Variants in ATP2C2 observed in about 807,000 individuals in gnomAD.
ATP2C2 encodes calcium-transporting ATPase type 2C member 2.
Under a neutral mutation model 110.8 loss-of-function variants are expected in ATP2C2, and 171 were observed. That is an observed-to-expected ratio of 1.54 (90% confidence interval 1.36 to 1.75). ATP2C2 has a LOEUF of 1.75. Ranked by LOEUF, ATP2C2 falls within the 40% of genes most tolerant of loss-of-function variation. The pLI is 0.00. For missense variants in ATP2C2, 1,963 were observed against 1,235.0 expected (o/e 1.59, Z -8.84); for synonymous variants, 804 against 508.4 (o/e 1.58, Z -7.82).
intron 7 of ATP2C2, among the ~76,000 whole-genome samples, chr16:84,417,030 G>A (rs772120230): frequency 6.6e-6 from 1 of 152,214 alleles, no homozygotes; most frequent in Non-Finnish European, 1.5e-5. Context: ...GGTGGCCAAT[G>A]ACCTGGGGTT....
intron 24 of ATP2C2, 177 bp from the exon 25 acceptor site, chr16:84,461,537 G>A (rs1439280382): frequency 1.5e-6 from 1 of 674,984 alleles, no homozygotes; most frequent in Non-Finnish European, 2.7e-6. Flanking sequence ...GTGCTGGGGA[G>A]ACCCTGGGGT....
intron 2 of ATP2C2, among the ~76,000 whole-genome samples, chr16:84,401,565 G>C (rs1905323560): frequency 6.6e-6 from 1 of 152,034 alleles, no homozygotes; most frequent in African/African-American, 2.4e-5. Flanking sequence ...TTGTTTTCCT[G>C]GTACCATTTA....
chr16:84,382,087 C>A (rs1008509184), intron 1 of ATP2C2, among the ~76,000 whole-genome samples: 26 of 152,312 alleles, frequency 1.7e-4, no homozygotes, highest in Admixed American at 3.9e-4. Flanking sequence ...CTGCACCCAT[C>A]AACCCATCAT....
At chr16:84,422,781 C>G (rs1211463765) in intron 9 of ATP2C2, 84 bp downstream of exon 9, 17 of 1,362,038 alleles carry the variant, frequency 1.2e-5, no homozygotes, top group South Asian at 8.3e-5. Context: ...CTTGCCTACT[C>G]CTTAGGAATG....
In ATP2C2 at chr16:84,422,524, G is replaced by A; in HGVS notation, c.759G>A (p.Gln253=). ...SNIVFMGTLV[Q]YGRGQGVVIG... ...TCGTCTTCATGGGGACCCTGGTGCAGTATGGGAGGGGCCAGGTAAGCCCTG... is the reference window on the plus strand; with the variant it reads ...TCGTCTTCATGGGGACCCTGGTGCAATATGGGAGGGGCCAGGTAAGCCCTG... The change falls in exon 8 of 27, where the codon CAG becomes CAA. Residue 253 remains glutamine (Q), a synonymous_variant. Coordinates refer to ENST00000262429, the MANE Select transcript of ATP2C2 (RefSeq NM_014861.4). The A allele has an allele frequency of 3.1e-6, 5 of 1,614,070 alleles. No homozygotes were observed. The South Asian group carries it at 5.5e-5, about 18-fold the overall frequency.
chr16:84,392,020 C>G (rs1904694744), intron 1 of ATP2C2, among the ~76,000 whole-genome samples: 1 of 151,192 alleles, frequency 6.6e-6, no homozygotes, highest in South Asian at 2.1e-4. Flanking sequence ...TAGGTCAAAT[C>G]ATATAACACC....
intron 17 of ATP2C2, among the ~76,000 whole-genome samples, chr16:84,451,711 G>T (rs1304810382): frequency 6.6e-6 from 1 of 152,152 alleles, no homozygotes; most frequent in East Asian, 1.9e-4. Flanking sequence ...GGAGGCGCAT[G>T]CCCGTAATCC....
intron 3 of ATP2C2, among the ~76,000 whole-genome samples, chr16:84,405,486 G>C (rs968422033): frequency 9.7e-5 from 14 of 145,052 alleles, no homozygotes; most frequent in African/African-American, 3.2e-4. Context: ...CGCTATATGA[G>C]TAAGTGAATA....
intron 1 of ATP2C2, among the ~76,000 whole-genome samples, chr16:84,392,523 C>A (rs1306176190): frequency 1.3e-5 from 2 of 152,084 alleles, no homozygotes; most frequent in African/African-American, 4.8e-5. Context: ...AGTGCAGTGG[C>A]GTGATCTCAG....
intron 17 of ATP2C2, among the ~76,000 whole-genome samples, chr16:84,449,824 G>A (rs1172598099): frequency 6.6e-6 from 1 of 152,228 alleles, no homozygotes; most frequent in Non-Finnish European, 1.5e-5. Context: ...CGCCTCTGCT[G>A]ACGAAATGGC....
chr16:84,453,771 C>G (rs565922771), intron 20 of ATP2C2, among the ~76,000 whole-genome samples: 1 of 152,048 alleles, frequency 6.6e-6, no homozygotes, highest in African/African-American at 2.4e-5. Context: ...TTGCTACATA[C>G]AGTGAAAACT....
intron 7 of ATP2C2, among the ~76,000 whole-genome samples, chr16:84,419,041 T>G (rs1907084758): frequency 6.6e-6 from 1 of 151,434 alleles, no homozygotes; most frequent in Admixed American, 6.6e-5. Flanking sequence ...AAACCCTGTC[T>G]CTACTAAAAA....
intron 7 of ATP2C2, among the ~76,000 whole-genome samples, chr16:84,421,622 C>T (rs113683901): frequency 7.9e-5 from 12 of 152,168 alleles, no homozygotes; most frequent in East Asian, 1.9e-4. Context: ...AGCCTCACCT[C>T]GGGAGTGAGA....
intron 6 of ATP2C2, among the ~76,000 whole-genome samples, chr16:84,411,987 T>C (rs917384421): frequency 2.0e-5 from 3 of 151,814 alleles, no homozygotes; most frequent in Non-Finnish European, 4.4e-5. Context: ...TTCTTTTCCT[T>C]TCTTCCTTTC....
At chr16:84,370,323 T>C (rs1016315503) in intron 1 of ATP2C2, among the ~76,000 whole-genome samples, 1 of 152,210 alleles carries the variant, frequency 6.6e-6, no homozygotes, top group East Asian at 1.9e-4. Context: ...CCTGAGGCCC[T>C]GGGTGCGTGA....
intron 4 of ATP2C2, among the ~76,000 whole-genome samples, chr16:84,409,321 G>A (rs987410326): frequency 4.6e-4 from 70 of 152,088 alleles, no homozygotes; most frequent in African/African-American, 1.5e-3. Context: ...GCTGGGGGAG[G>A]GATAGCATTA....
At chr16:84,444,422 G>A (rs1202261324) in intron 15 of ATP2C2, among the ~76,000 whole-genome samples, 7 of 137,748 alleles carry the variant, frequency 5.1e-5, no homozygotes, top group Non-Finnish European at 1.2e-4. Context: ...ACAGTGAGCC[G>A]AGATCGTACC....
chr16:84,419,582 G>T (rs1453759748), intron 7 of ATP2C2, among the ~76,000 whole-genome samples: 1 of 152,172 alleles, frequency 6.6e-6, no homozygotes, highest in Non-Finnish European at 1.5e-5. Context: ...AAAGCTGGGG[G>T]CAGGGGGACG....
At chr16:84,401,811 T>G (rs1905340688) in intron 2 of ATP2C2, among the ~76,000 whole-genome samples, 1 of 152,230 alleles carries the variant, frequency 6.6e-6, no homozygotes, top group East Asian at 1.9e-4. Context: ...TTGGCTATTC[T>G]GGGTCTTTTG....
Sources: allele counts gnomAD v4.1 joint callset (sites outside exome capture counted in the v4.1 genomes callset), GRCh38; gene constraint gnomAD v4.1.1; transcripts MANE v1.5; gene names NCBI Gene and HGNC (gene_info 2026-07-23, HGNC 2026-07-21).